TMEM192: variants seen among roughly 807,000 people sequenced by gnomAD.
TMEM192 encodes transmembrane protein 192.
TMEM192 carries 20 observed loss-of-function variants against 26.7 expected under a neutral mutation model. The ratio of observed to expected loss-of-function variants is 0.75; its 90% CI spans 0.53 to 1.09. The LOEUF (loss-of-function observed/expected upper bound fraction) is 1.09. Among genes scored for constraint, TMEM192 ranks in the 50% least tolerant of loss-of-function variants. The pLI, the probability that TMEM192 is intolerant of heterozygous loss-of-function variation, is 0.00. For missense variants in TMEM192, 304 were observed against 322.6 expected, an observed-to-expected ratio of 0.94 and a Z score of 0.44; for synonymous variants, 124 against 121.0, an observed-to-expected ratio of 1.02 and a Z score of -0.16.
rs949722018 is a variant in TMEM192, at chr4:165,085,698, TAA to T, written c.575-12_575-11del. The T allele has an allele frequency of 6.4e-7, 1 of 1,553,784 alleles. No homozygotes were observed. Among genetic ancestry groups the T allele is most frequent in the African/African-American group, 1.4e-5 (1 of 72,884 alleles). On this transcript the variant is annotated splice_polypyrimidine_tract_variant and intron_variant, in intron 4 of 5. Transcript: ENST00000306480. Reference sequence around the variant, plus strand: ...AATCTCCGGATTTTCACTAAAATAATAAAGTCATTATTAGATCGAATTCTGAA... The same window carrying T: ...AATCTCCGGATTTTCACTAAAATAATAGTCATTATTAGATCGAATTCTGAA...
Position 165,100,892 on chromosome 4 carries a change from G to A in TMEM192, c.175C>T (p.Leu59Phe). The A allele has an allele frequency of 6.2e-7, 1 of 1,609,526 alleles. No individual in the cohort carries two copies. The highest frequency in any genetic ancestry group is 1.1e-5 in the South Asian group (1 of 90,256). The change falls in exon 3 of 6, where the codon CTC becomes TTC. Residue 59 changes from leucine to phenylalanine, a missense_variant and splice_region_variant. Coordinates refer to ENST00000306480, the MANE Select transcript of TMEM192 (RefSeq NM_001100389.2). ...AAAAATGCTAAAACAACAAACACGA[G>A]CTGGGGGAAAGGAGAGCAGAAAGAT... ...IIVNLLWFIH[L>F]VFVVLAFLTG... is the part of the protein sequence containing the mutation.
rs1444445470 is a variant in TMEM192 at position 165,076,628 on chromosome 4, G to C, written c.*3030C>G. On this transcript the variant is annotated 3_prime_UTR_variant, in exon 6 of 6. Coordinates refer to ENST00000306480, the MANE Select transcript of TMEM192 (RefSeq NM_001100389.2). ...ACGTGGAGCTCCTACAGCATGTTGG[G>C]CCTACTGTCATTACTGCACTTAGCA... 1 of 152,212 alleles carries C rather than the reference G, an allele frequency of 6.6e-6. No individual in the cohort carries two copies. The highest frequency in any genetic ancestry group is 6.6e-5 in the Admixed American group (1 of 15,266). The allele number at this position is 152,212 out of a possible 1,614,324, so 9.4% of individuals were successfully genotyped here. A position where few individuals can be genotyped will look rare whatever the true frequency, so the allele number is the denominator to read the frequency against.
chr4:165,081,361 CTT>C (rs1285304064), intron 5 of TMEM192, among the ~76,000 whole-genome samples: 1 of 142,446 alleles, frequency 7.0e-6, no homozygotes, highest in Non-Finnish European at 1.5e-5. Context: ...TATATACTGA[CTT>C]TTTTTTTTTT....
chr4:165,102,784 CTTT>C (rs11315804), intron 2 of TMEM192, among the ~76,000 whole-genome samples, 163 bp downstream of exon 2: 41 of 130,826 alleles, frequency 3.1e-4, no homozygotes, highest in Non-Finnish European at 3.0e-4. Context: ...AGTGTACGTA[CTTT>C]TTTTTTTTTT....
intron 3 of TMEM192, among the ~76,000 whole-genome samples, chr4:165,099,772 C>T (rs1734995150): frequency 6.6e-6 from 1 of 152,030 alleles, no homozygotes; most frequent in South Asian, 2.1e-4. Context: ...TGGTGAGAAC[C>T]TGCTTCTACA....
At chr4:165,079,901 C>T (rs2111258951) in intron 5 of TMEM192, 105 bp from the exon 6 acceptor site, 1 of 1,110,730 alleles carries the variant, frequency 9.0e-7, no homozygotes, top group Non-Finnish European at 1.2e-6. Flanking sequence ...ATTGTATTTG[C>T]CACCTTTTCT....
At position 165,082,079 on chromosome 4, in the gene TMEM192, C is replaced by A. The variant is rs564077415; in HGVS notation, c.678-2283G>T. On this transcript the variant is annotated intron_variant, in intron 5 of 5. Coordinates refer to ENST00000306480, the MANE Select transcript of TMEM192 (RefSeq NM_001100389.2). ...CCGCCTCCAGGGTTCCCGCGATTCT[C>A]CTGCCTCACCCTCCCGAGTAGCTGG... 3.5e-3 allele frequency among the ~76,000 whole-genome samples: 127 copies of A among 36,660 alleles called. 48 individuals are homozygous for A. Among genetic ancestry groups the A allele is most frequent in the African/African-American group, 6.0e-3 (121 of 20,256 alleles). 24.1% of individuals were successfully genotyped at this position (36,660 alleles called of 152,430 possible).
chr4:165,076,989 T>A lies in TMEM192; in HGVS notation c.*2669A>T, dbSNP rs1734398027. The A allele has an allele frequency of 6.6e-6, 1 of 152,134 alleles. No homozygotes were observed. Among genetic ancestry groups the A allele is most frequent in the Non-Finnish European group, 1.5e-5 (1 of 68,032 alleles). The allele number at this position is 152,134 out of a possible 1,614,324, so 9.4% of individuals were successfully genotyped here. ...GCTTATTTTGTATTTTTAGTAAAGA[T>A]GGGGTTTTACTATGTTGGCCAGGCT... On this transcript the variant is annotated 3_prime_UTR_variant, in exon 6 of 6. Transcript: ENST00000306480.
Position 165,093,421 on chromosome 4 carries a change from G to T in TMEM192, c.440-4819C>A, listed in dbSNP as rs1407408304. ...ATACAGTTTTACAACATTTAGGAAA[G>T]AAATACATGCTAGGAAAAAAAACTT... On this transcript the variant is annotated intron_variant, in intron 3 of 5. Coordinates refer to ENST00000306480, the MANE Select transcript of TMEM192 (RefSeq NM_001100389.2). Among the ~76,000 whole-genome samples, 6 of 151,926 alleles carry T rather than the reference G, an allele frequency of 3.9e-5. No homozygotes were observed. The East Asian group carries it at 1.2e-3, about 29-fold the overall frequency.
intron 1 of TMEM192, among the ~76,000 whole-genome samples, chr4:165,108,940 T>A (rs1418891927): frequency 1.3e-5 from 2 of 152,246 alleles, no homozygotes; most frequent in Admixed American, 1.3e-4. Context: ...TTCAAGGCAG[T>A]AAGCCGGAGC....
chr4:165,099,762 T>C (rs10857375), intron 3 of TMEM192, among the ~76,000 whole-genome samples: 50,452 of 151,956 alleles, frequency 0.33, 10,348 homozygotes, highest in African/African-American at 0.59. Context: ...CTGGGCAACA[T>C]GGTGAGAACC....
intron 5 of TMEM192, 41 bp downstream of exon 5, chr4:165,085,545 G>T (rs954899282): frequency 1.5e-6 from 2 of 1,343,984 alleles, no homozygotes; most frequent in Non-Finnish European, 2.1e-6. Flanking sequence ...TAGCTTTCTA[G>T]GGGAAAAAAC....
chr4:165,109,249 C>A (rs1025567403), intron 1 of TMEM192, among the ~76,000 whole-genome samples: 1 of 152,160 alleles, frequency 6.6e-6, no homozygotes, highest in African/African-American at 2.4e-5. Context: ...GTCCTTTGTG[C>A]TTTTAACACT....
intron 1 of TMEM192, among the ~76,000 whole-genome samples, chr4:165,108,984 C>A (rs1430210420): frequency 6.6e-6 from 1 of 152,238 alleles, no homozygotes; most frequent in Non-Finnish European, 1.5e-5. Flanking sequence ...TTTCCCATCT[C>A]TGAGATTGCT....
chr4:165,089,453 C>CT (rs1734702512), intron 3 of TMEM192, among the ~76,000 whole-genome samples: 1 of 152,138 alleles, frequency 6.6e-6, no homozygotes, highest in African/African-American at 2.4e-5. Flanking sequence ...TCCCGAGTAG[C>CT]TGGGACTACA....
In TMEM192 at chr4:165,103,103, T is replaced by C; in HGVS notation, c.28-7A>G. On this transcript the variant is annotated splice_polypyrimidine_tract_variant and splice_region_variant and intron_variant, in intron 1 of 5. Coordinates refer to ENST00000306480, the MANE Select transcript of TMEM192 (RefSeq NM_001100389.2). ...GGGTGATATCCAAGGAACCCTGGGGTGCAGAAAAACAAGCAACCTATAATC... is the reference window on the plus strand; with the variant it reads ...GGGTGATATCCAAGGAACCCTGGGGCGCAGAAAAACAAGCAACCTATAATC... 6.3e-7 allele frequency: 1 copy of C among 1,592,152 alleles called. No individual in the cohort carries two copies. Among genetic ancestry groups the C allele is most frequent in the East Asian group, 2.2e-5 (1 of 44,508 alleles).
intron 3 of TMEM192, among the ~76,000 whole-genome samples, chr4:165,093,594 T>G (rs1157395475): frequency 6.6e-6 from 1 of 152,158 alleles, no homozygotes; most frequent in East Asian, 1.9e-4. Flanking sequence ...ACAAGTACCC[T>G]CCTTGAAGAA....
At position 165,085,639 on chromosome 4, in the gene TMEM192, T is replaced by C. The variant is rs946134335; in HGVS notation, c.624A>G (p.Glu208=). The C allele has an allele frequency of 1.9e-6, 3 of 1,613,158 alleles. No individual in the cohort carries two copies. Among genetic ancestry groups the C allele is most frequent in the East Asian group, 2.2e-5 (1 of 44,818 alleles). ...TGGGGTAAGCATAGATTTTTTCTTC[T>C]TCAAGTATATCAGGCTCTGGTTTAG... is the stretch of plus-strand genomic sequence containing the variant. The part of the protein sequence containing the change: ...NKAKPEPDIL[E]EEKIYAYPSN... Residue 208 remains glutamate (E), a synonymous_variant, in exon 5 of 6, where the codon GAA becomes GAG. Coordinates refer to ENST00000306480, the MANE Select transcript of TMEM192 (RefSeq NM_001100389.2).
chr4:165,100,754 T>A lies in TMEM192; in HGVS notation c.313A>T (p.Ile105Phe), dbSNP rs767798276. ...TAGCATTCAAGGAGTAAATGGAGAA[T>A]CCACAAAATAACTTTCCCAAGGATT... ...VIILGKVILW[I>F]LHLLLECYIQ... Residue 105 changes from isoleucine (I) to phenylalanine (F), a missense_variant, in exon 3 of 6, where the codon ATT becomes TTT. By Grantham distance (21) the Ile-to-Phe change is conservative (BLOSUM62 0). Coordinates refer to ENST00000306480, the MANE Select transcript of TMEM192 (RefSeq NM_001100389.2). 4.8e-5 allele frequency: 78 copies of A among 1,613,920 alleles called. No individual in the cohort carries two copies. The highest frequency in any genetic ancestry group is 6.4e-5 in the Non-Finnish European group (76 of 1,180,024).
Sources: allele counts gnomAD v4.1 joint callset (sites outside exome capture counted in the v4.1 genomes callset), GRCh38; gene constraint gnomAD v4.1.1; transcripts MANE v1.5; gene names NCBI Gene and HGNC (gene_info 2026-07-23, HGNC 2026-07-21).